Variants in TYW1 observed in about 807,000 individuals in gnomAD.
TYW1 encodes the protein tRNA-yW synthesizing protein 1 homolog, also known as S-adenosyl-L-methionine-dependent tRNA 4-demethylwyosine synthase TYW1.
A neutral mutation model predicts 96.2 loss-of-function variants in TYW1; 46 were observed. That is an observed-to-expected ratio of 0.48 (90% CI 0.38 to 0.61). TYW1 has a LOEUF of 0.61. Among genes scored for constraint, TYW1 ranks in the 20% least tolerant of loss-of-function variants. The pLI, the probability that TYW1 is intolerant of heterozygous loss-of-function variation, is 0.00. For synonymous variants in TYW1, 274 were observed against 323.0 expected (o/e 0.85, Z 1.63); for missense variants, 684 against 909.6 (o/e 0.75, Z 3.19).
chr7:67,180,700 T>A (rs975588392), intron 13 of TYW1, among the ~76,000 whole-genome samples: 4 of 152,072 alleles, frequency 2.6e-5, no homozygotes, highest in Non-Finnish European at 5.9e-5. Flanking sequence ...TGGAGTGCAG[T>A]GGTGCAGTCT....
chr7:67,022,650 A>G (rs1039778127), intron 6 of TYW1, among the ~76,000 whole-genome samples: 5 of 152,222 alleles, frequency 3.3e-5, no homozygotes, highest in Non-Finnish European at 7.3e-5. Flanking sequence ...AGTATGTTTC[A>G]CGTGGTGTAC....
At chr7:67,011,765 C>A (rs535561124) in intron 4 of TYW1, among the ~76,000 whole-genome samples, 1 of 151,390 alleles carries the variant, frequency 6.6e-6, no homozygotes, top group South Asian at 2.1e-4. Flanking sequence ...CCCAACTACT[C>A]GGGAGGCTGA....
At chr7:67,182,425 G>A (rs1056366720) in intron 13 of TYW1, among the ~76,000 whole-genome samples, 12 of 152,260 alleles carry the variant, frequency 7.9e-5, no homozygotes, top group South Asian at 2.1e-4. Flanking sequence ...TTAGCCAGGC[G>A]TGATGACGTG....
chr7:67,121,296 G>A (rs1236713169), intron 13 of TYW1, among the ~76,000 whole-genome samples: 2 of 152,242 alleles, frequency 1.3e-5, no homozygotes, highest in African/African-American at 4.8e-5. Context: ...AGCACTTTGG[G>A]AGGCTGAGGT....
rs535430850 is a variant in TYW1, at chr7:67,237,432, A to G, written c.1978-876A>G. On this transcript the variant is annotated intron_variant, in intron 15 of 15. Coordinates refer to ENST00000359626, the MANE Select transcript of TYW1 (RefSeq NM_018264.4). ...GGAGAATGGCATGAACGCAGGAGGC[A>G]GAGCTTGCAGTGAGCCGAGATCAGG... 1.1e-3 allele frequency among the ~76,000 whole-genome samples: 161 copies of G among 151,140 alleles called. 2 individuals are homozygous for G. The East Asian group carries it at 0.025, about 23-fold the overall frequency.
intron 11 of TYW1, among the ~76,000 whole-genome samples, chr7:67,095,497 A>C (rs991960967): frequency 2.0e-5 from 3 of 149,318 alleles, no homozygotes; most frequent in African/African-American, 7.4e-5. Context: ...TAAAAATACA[A>C]AAAAAAAAAA....
At chr7:67,156,096 G>C (rs978903128) in intron 13 of TYW1, among the ~76,000 whole-genome samples, 3 of 152,176 alleles carry the variant, frequency 2.0e-5, no homozygotes, top group African/African-American at 7.2e-5. Context: ...GTCAGTGGTG[G>C]TGGCAGCATG....
At chr7:67,147,986 T>TA (rs1194129736) in intron 13 of TYW1, among the ~76,000 whole-genome samples, 6 of 151,838 alleles carry the variant, frequency 4.0e-5, no homozygotes, top group African/African-American at 1.2e-4. Flanking sequence ...AATCAGAGAT[T>TA]ATTGATGCCT....
At chr7:67,143,839 A>G (rs1383627269) in intron 13 of TYW1, among the ~76,000 whole-genome samples, 1 of 152,252 alleles carries the variant, frequency 6.6e-6, no homozygotes, top group Non-Finnish European at 1.5e-5. Flanking sequence ...AAAACATTCA[A>G]GTAATCATTT....
intron 10 of TYW1, among the ~76,000 whole-genome samples, chr7:67,078,242 C>T (rs928075439): frequency 1.3e-5 from 2 of 151,702 alleles, no homozygotes; most frequent in African/African-American, 2.4e-5. Flanking sequence ...ATTACAGGTG[C>T]CTGCCACCAC....
At chr7:67,053,888 C>T (rs996490958) in intron 8 of TYW1, among the ~76,000 whole-genome samples, 8 of 152,192 alleles carry the variant, frequency 5.3e-5, no homozygotes, top group African/African-American at 1.9e-4. Context: ...GCTTTCAATC[C>T]TGCAAACTGT....
At chr7:67,225,357 C>G (rs1563079614) in intron 15 of TYW1, among the ~76,000 whole-genome samples, 1 of 152,120 alleles carries the variant, frequency 6.6e-6, no homozygotes, top group Non-Finnish European at 1.5e-5. Context: ...GAGACAGAGT[C>G]CCTGTCCCAG....
intron 13 of TYW1, among the ~76,000 whole-genome samples, chr7:67,151,829 T>C (rs28620117): frequency 0.26 from 39,257 of 151,646 alleles, 5,521 homozygotes; most frequent in African/African-American, 0.38. Flanking sequence ...GTTGTTGAGA[T>C]AGGGACTTGC....
At position 66,998,049 on chromosome 7, in the gene TYW1, G is replaced by A; in HGVS notation, c.5-16G>A. 6.4e-7 allele frequency: 1 copy of A among 1,571,556 alleles called. No individual in the cohort carries two copies. On this transcript the variant is annotated splice_polypyrimidine_tract_variant and intron_variant, in intron 1 of 15. Transcript: ENST00000359626. ...TGTAGCTTTAAATGAAATTGTGTGT[G>A]TCATTTTAAATTTAGATCCTTCTGC...
chr7:67,063,532 CAAAT>C (rs60850530), intron 9 of TYW1, among the ~76,000 whole-genome samples: 2 of 151,346 alleles, frequency 1.3e-5, no homozygotes, highest in East Asian at 1.9e-4. Flanking sequence ...AAGGAAATGA[CAAAT>C]AAATTTCCTA....
At position 67,018,029 on chromosome 7, in the gene TYW1, G is replaced by C. The variant is rs1298529864; in HGVS notation, c.747G>C (p.Lys249Asn). ...QLQALQKGER[K>N]KSCGGHCKKG... ...AGGCACTTCAGAAAGGGGAGAGAAA[G>C]AAGTCCTGTGGCGGCCACTGCAAGA... The change falls in exon 6 of 16, where the codon AAG becomes AAC. Residue 249 changes from lysine to asparagine, a missense_variant. By Grantham distance (94) the Lys-to-Asn change is moderately conservative (BLOSUM62 0). Transcript: ENST00000359626. 6.2e-7 allele frequency: 1 copy of C among 1,614,108 alleles called. No homozygotes were observed. Among genetic ancestry groups the C allele is most frequent in the Non-Finnish European group, 8.5e-7 (1 of 1,180,020 alleles).
intron 7 of TYW1, among the ~76,000 whole-genome samples, chr7:67,039,591 T>A (rs909113922): frequency 2.0e-5 from 3 of 152,006 alleles, no homozygotes; most frequent in African/African-American, 7.2e-5. Context: ...GAACATAGAG[T>A]TGTTGTATAT....
intron 13 of TYW1, among the ~76,000 whole-genome samples, chr7:67,145,594 G>A (rs1222127919): frequency 6.6e-6 from 1 of 152,080 alleles, no homozygotes; most frequent in Admixed American, 6.6e-5. Context: ...TGTTACTATT[G>A]TTTCATCATC....
At chr7:67,021,135 C>T (rs1446328214) in intron 6 of TYW1, among the ~76,000 whole-genome samples, 4 of 152,300 alleles carry the variant, frequency 2.6e-5, no homozygotes, top group African/African-American at 7.2e-5. Context: ...AGGGGATTGT[C>T]ATACGTTGTT....
Sources: allele counts gnomAD v4.1 joint callset (sites outside exome capture counted in the v4.1 genomes callset), GRCh38; gene constraint gnomAD v4.1.1; transcripts MANE v1.5; gene names NCBI Gene and HGNC (gene_info 2026-07-23, HGNC 2026-07-21).